Variants in ANXA11 observed in about 807,000 individuals in gnomAD.
ANXA11 encodes the protein annexin A11.
Under a neutral mutation model 64.7 loss-of-function variants are expected in ANXA11, and 57 were observed. That is an observed-to-expected ratio of 0.88 (90% CI 0.71 to 1.10). ANXA11 has a LOEUF of 1.10. ANXA11 is among the 50% of genes least tolerant of loss of function. The pLI, the probability that ANXA11 is intolerant of heterozygous loss-of-function variation, is 0.00. For missense variants in ANXA11, 675 were observed against 670.7 expected (o/e 1.01, Z -0.07); for synonymous variants, 260 against 265.2 (o/e 0.98, Z 0.19).
At chr10:80,162,063 C>T in intron 11 of ANXA11, 35 bp from the exon 12 acceptor site, 1 of 1,566,238 alleles carries the variant, frequency 6.4e-7, no homozygotes, top group East Asian at 2.3e-5. Context: ...GTGGCACAGG[C>T]CACACCCAGA....
chr10:80,193,446 G>T (rs911069449), intron 1 of ANXA11, among the ~76,000 whole-genome samples: 1 of 151,936 alleles, frequency 6.6e-6, no homozygotes, highest in Non-Finnish European at 1.5e-5. Flanking sequence ...CTTTTTTCGT[G>T]TATTATTATA....
At chr10:80,197,675 C>A (rs1009318060) in intron 1 of ANXA11, among the ~76,000 whole-genome samples, 2 of 152,156 alleles carry the variant, frequency 1.3e-5, no homozygotes, top group African/African-American at 4.8e-5. Context: ...GTAATCCCAG[C>A]ATTTTGGGAG....
intron 1 of ANXA11, among the ~76,000 whole-genome samples, chr10:80,190,279 A>AT (rs1165783960): frequency 6.8e-6 from 1 of 147,282 alleles, no homozygotes; most frequent in Non-Finnish European, 1.5e-5. Flanking sequence ...CGTTGTGTAT[A>AT]TTTTTACCAC....
At chr10:80,205,557 G>C (rs1181685873), upstream of ANXA11, 2 of 152,086 alleles carry the variant, frequency 1.3e-5, no homozygotes, top group Non-Finnish European at 2.9e-5. Flanking sequence ...GCTGCCCCAG[G>C]TGCCAGAGGC....
At chr10:80,183,136 T>A (rs1347232903) in intron 1 of ANXA11, among the ~76,000 whole-genome samples, 1 of 152,186 alleles carries the variant, frequency 6.6e-6, no homozygotes, top group African/African-American at 2.4e-5. Flanking sequence ...TGTGAGTGGC[T>A]AGGCACTCGT....
rs1554834982 is a variant in ANXA11 at position 80,188,511 on chromosome 10, A to ATG, written c.-57-12357_-57-12356insCA. Among the ~76,000 whole-genome samples the ATG allele has an allele frequency of 1.7e-3, 212 of 126,542 alleles. 8 individuals carry two copies. Among genetic ancestry groups the ATG allele is most frequent in the South Asian group, 8.8e-3 (37 of 4,186 alleles). The allele number at this position is 126,542 out of a possible 152,430, so 83.0% of individuals were successfully genotyped here. On this transcript the variant is annotated intron_variant, in intron 1 of 15. Transcript: ENST00000422982. ...TATATATATATATATATATATATAT[A>ATG]GCACTACAACAGGTATTAGCACACA...
At chr10:80,184,264 T>C (rs1846457009) in intron 1 of ANXA11, among the ~76,000 whole-genome samples, 1 of 152,222 alleles carries the variant, frequency 6.6e-6, no homozygotes, top group Non-Finnish European at 1.5e-5. Context: ...CCTTGACTTA[T>C]GATAGGGTTA....
Position 80,155,568 on chromosome 10 carries a change from C to A in ANXA11, c.*285G>T. The A allele has an allele frequency of 4.5e-6, 2 of 442,460 alleles. No homozygotes were observed. Among genetic ancestry groups the A allele is most frequent in the East Asian group, 3.6e-5 (1 of 27,638 alleles). 27.4% of individuals were successfully genotyped at this position (442,460 alleles called of 1,614,324 possible). On this transcript the variant is annotated 3_prime_UTR_variant, in exon 16 of 16. Transcript: ENST00000422982. Reference sequence around the variant, plus strand: ...ATGACGAAATGAAGCCAAGTCTTAGCCACAGGCAAAGGGGAATGATTGCAT... The same window carrying A: ...ATGACGAAATGAAGCCAAGTCTTAGACACAGGCAAAGGGGAATGATTGCAT...
At chr10:80,185,653 C>A (rs144868137) in intron 1 of ANXA11, among the ~76,000 whole-genome samples, 1 of 152,234 alleles carries the variant, frequency 6.6e-6, no homozygotes, top group Non-Finnish European at 1.5e-5. Flanking sequence ...GTGCTTCACA[C>A]GGAACTGAAC....
At chr10:80,161,678 T>G (rs1845511322) in intron 12 of ANXA11, among the ~76,000 whole-genome samples, 1 of 152,236 alleles carries the variant, frequency 6.6e-6, no homozygotes, top group Admixed American at 6.5e-5. Flanking sequence ...CGAAGGACCC[T>G]CCCAACTCTG....
intron 15 of ANXA11, chr10:80,156,571 T>C (rs1333707815): frequency 4.6e-6 from 2 of 434,092 alleles, no homozygotes; most frequent in African/African-American, 2.0e-5. Flanking sequence ...TGAAGTGGAA[T>C]GGCGTGATCC....
rs922146943 is a variant in ANXA11 at position 80,168,819 on chromosome 10, G to A, written c.561+150C>T. On this transcript the variant is annotated intron_variant, in intron 5 of 15. Coordinates refer to ENST00000422982, the MANE Select transcript of ANXA11 (RefSeq NM_145868.2). ...CCCAAAGTGCTGGGATTACAGGCAT[G>A]AGTCACTGCACCCGGCCGACACTAT... 66 of 925,678 alleles carry A rather than the reference G, an allele frequency of 7.1e-5. 1 individual carries two copies. The highest frequency in any genetic ancestry group is 9.3e-5 in the Non-Finnish European group (61 of 659,214). The allele number at this position is 925,678 out of a possible 1,614,324, so 57.3% of individuals were successfully genotyped here.
chr10:80,155,700 T>TATACG lies in ANXA11; in HGVS notation c.*148_*152dup, dbSNP rs1424081196. On this transcript the variant is annotated 3_prime_UTR_variant, in exon 16 of 16. Coordinates refer to ENST00000422982, the MANE Select transcript of ANXA11 (RefSeq NM_145868.2). ...GACCGACCCAGGTCCTGTGGCACAC[T>TATACG]ATACGGGTCAGGAGGGGTGGAAGAC... 14 of 775,858 alleles carry TATACG rather than the reference T, an allele frequency of 1.8e-5. No homozygotes were observed. Among genetic ancestry groups the TATACG allele is most frequent in the Non-Finnish European group, 1.3e-5 (6 of 453,710 alleles). The allele number at this position is 775,858 out of a possible 1,614,324, so 48.1% of individuals were successfully genotyped here.
chr10:80,196,637 A>G (rs116452669), intron 1 of ANXA11, among the ~76,000 whole-genome samples: 11 of 152,146 alleles, frequency 7.2e-5, no homozygotes, highest in East Asian at 1.9e-4. Context: ...CAGAGCCCCA[A>G]TGTCCTGCCC....
At chr10:80,164,495 G>A (rs566337641) in intron 8 of ANXA11, among the ~76,000 whole-genome samples, 3 of 152,350 alleles carry the variant, frequency 2.0e-5, no homozygotes, top group South Asian at 4.1e-4. Flanking sequence ...AGCCGGAAGC[G>A]AGATGACAAC....
chr10:80,171,375 G>A, intron 3 of ANXA11: 2 of 533,686 alleles, frequency 3.7e-6, no homozygotes, highest in Non-Finnish European at 4.9e-6. Context: ...GTCTGTAAAA[G>A]GCAGGGAGAA....
At chr10:80,190,845 C>A (rs1846744712) in intron 1 of ANXA11, among the ~76,000 whole-genome samples, 1 of 151,048 alleles carries the variant, frequency 6.6e-6, no homozygotes, top group African/African-American at 2.4e-5. Flanking sequence ...AACCCCAGCA[C>A]TTTGGAAGGC....
chr10:80,165,948 C>T (rs1187916964), intron 8 of ANXA11, 136 bp downstream of exon 8: 5 of 503,018 alleles, frequency 9.9e-6, no homozygotes, highest in African/African-American at 4.0e-5. Flanking sequence ...ATACTGACAA[C>T]AGCAGCTAAT....
At chr10:80,170,518 G>A (rs777540515) in intron 4 of ANXA11, among the ~76,000 whole-genome samples, 13 of 152,026 alleles carry the variant, frequency 8.6e-5, no homozygotes, top group Admixed American at 4.6e-4. Context: ...AGATACCCTC[G>A]CCACCTTCCC....
Sources: allele counts gnomAD v4.1 joint callset (sites outside exome capture counted in the v4.1 genomes callset), GRCh38; gene constraint gnomAD v4.1.1; transcripts MANE v1.5; gene names NCBI Gene and HGNC (gene_info 2026-07-23, HGNC 2026-07-21).